The following CYP2U1 variants were observed in gnomAD, a reference collection of about 807,000 sequenced individuals.
CYP2U1 encodes cytochrome P450 2U1.
CYP2U1 carries 28 observed loss-of-function variants against 42.8 expected under a neutral mutation model. The ratio of observed to expected loss-of-function variants is 0.65; its 90% confidence interval spans 0.48 to 0.90. The LOEUF is 0.90. Among genes scored for constraint, CYP2U1 ranks in the 40% least tolerant of loss-of-function variants. CYP2U1 has a pLI of 0.00. For missense variants in CYP2U1, 642 were observed against 693.8 expected, an observed-to-expected ratio of 0.93 and a Z score of 0.84; for synonymous variants, 296 against 278.9, an observed-to-expected ratio of 1.06 and a Z score of -0.61.
Position 107,946,574 on chromosome 4 carries a change from C to T in CYP2U1, c.1127-802C>T, listed in dbSNP as rs193277746. The stretch of plus-strand genomic sequence containing the variant: ...CTACTATAGATGTGATTATACCTAC[C>T]TGTATTAGTTAATTATTGCTGGGTA... On this transcript the variant is annotated intron_variant, in intron 2 of 4. Transcript: ENST00000332884. 9.5e-4 allele frequency among the ~76,000 whole-genome samples: 145 copies of T among 151,908 alleles called. 1 individual carries two copies. Among genetic ancestry groups the T allele is most frequent in the African/African-American group, 3.4e-3 (142 of 41,392 alleles).
At chr4:107,935,745 C>T (rs1005813507) in intron 1 of CYP2U1, 3 of 152,186 alleles carry the variant, frequency 2.0e-5, no homozygotes, top group African/African-American at 7.2e-5. Flanking sequence ...GCCACTGTGA[C>T]TACAGTCAAG....
chr4:107,941,677 G>A (rs895472385), intron 1 of CYP2U1, among the ~76,000 whole-genome samples: 2 of 151,516 alleles, frequency 1.3e-5, no homozygotes, highest in African/African-American at 4.9e-5. Context: ...GTGAACTGCA[G>A]CTAGAGTAGT....
chr4:107,945,375 A>G lies in CYP2U1; in HGVS notation c.896A>G (p.Lys299Arg). 1 of 1,614,126 alleles carries G rather than the reference A, an allele frequency of 6.2e-7. No homozygotes were observed. The highest frequency in any genetic ancestry group is 8.5e-7 in the Non-Finnish European group (1 of 1,180,020). ...GAAAAGGATATAACCAGTTTCCTTA[A>G]AAAAATCATCAAAGACCATCAAGAG... ...QIEKDITSFL[K>R]KIIKDHQESL... The change falls in exon 2 of 5, where the codon AAA becomes AGA. Residue 299 changes from lysine to arginine, a missense_variant. By Grantham distance (26) the Lys-to-Arg change is conservative. Transcript: ENST00000332884.
rs191788363 is a variant in CYP2U1 at position 107,950,735 on chromosome 4, A to T, written c.*312A>T. ...CAATCTTCTCATTTCTTAGTGCCTC[A>T]GACATCCCATATGTAAAATGAGAGT... On this transcript the variant is annotated 3_prime_UTR_variant, in exon 5 of 5. Coordinates refer to ENST00000332884, the MANE Select transcript of CYP2U1 (RefSeq NM_183075.3). 27 of 228,870 alleles carry T rather than the reference A, an allele frequency of 1.2e-4. No individual in the cohort carries two copies. The highest frequency in any genetic ancestry group is 5.2e-4 in the African/African-American group (23 of 44,486). The allele number at this position is 228,870 out of a possible 1,614,324, so 14.2% of individuals were successfully genotyped here. A position where few individuals can be genotyped will look rare whatever the true frequency, so the allele number is the denominator to read the frequency against.
rs1199207504 is a variant in CYP2U1, at chr4:107,951,478, T to G, written c.*1055T>G. On this transcript the variant is annotated 3_prime_UTR_variant, in exon 5 of 5. Coordinates refer to ENST00000332884, the MANE Select transcript of CYP2U1 (RefSeq NM_183075.3). Reference sequence around the variant, plus strand: ...TGTTTCTAAATGTAGATGGTCCCTCTGGAAAAGCAGTTTTCAGCAGGGGTG... The same window carrying G: ...TGTTTCTAAATGTAGATGGTCCCTCGGGAAAAGCAGTTTTCAGCAGGGGTG... 6.6e-6 allele frequency: 1 copy of G among 152,226 alleles called. No individual in the cohort carries two copies. Among genetic ancestry groups the G allele is most frequent in the African/African-American group, 2.4e-5 (1 of 41,468 alleles). 9.4% of individuals were successfully genotyped at this position (152,226 alleles called of 1,614,324 possible).
At position 107,949,266 on chromosome 4, in the gene CYP2U1, A is replaced by AT. The variant is rs151162882; in HGVS notation, c.1289-75dup. On this transcript the variant is annotated intron_variant, in intron 3 of 4. Transcript: ENST00000332884. ...ATTAAAGTGATAGGTATATAACTAC[A>AT]TTTTTTTTTCAGATAATGATGTTCA... 10,234 of 1,272,934 alleles carry AT rather than the reference A, an allele frequency of 8.0e-3. 64 individuals carry two copies. The highest frequency in any genetic ancestry group is 0.035 in the African/African-American group (2,247 of 65,106). 78.9% of individuals were successfully genotyped at this position (1,272,934 alleles called of 1,614,324 possible).
intron 1 of CYP2U1, chr4:107,937,476 G>A (rs995768997): frequency 4.0e-5 from 6 of 151,688 alleles, no homozygotes; most frequent in African/African-American, 1.5e-4. Context: ...ACATTTTCAT[G>A]TATCACCTTC....
intron 1 of CYP2U1, among the ~76,000 whole-genome samples, chr4:107,943,318 T>C (rs1009160074): frequency 6.6e-6 from 1 of 152,196 alleles, no homozygotes; most frequent in African/African-American, 2.4e-5. Context: ...TATGTACATA[T>C]CTTATGACTT....
intron 1 of CYP2U1, among the ~76,000 whole-genome samples, chr4:107,942,948 C>A (rs1733550721): frequency 6.6e-6 from 1 of 152,260 alleles, no homozygotes; most frequent in Admixed American, 6.5e-5. Flanking sequence ...TTTAAAACTT[C>A]TGCTTATCAA....
At chr4:107,943,739 G>T (rs1733579864) in intron 1 of CYP2U1, among the ~76,000 whole-genome samples, 1 of 152,166 alleles carries the variant, frequency 6.6e-6, no homozygotes, top group Non-Finnish European at 1.5e-5. Flanking sequence ...ATGGAGCAGG[G>T]TCTTTATTTC....
In CYP2U1 at chr4:107,945,483, G is replaced by A. The variant is rs142944337; in HGVS notation, c.1004G>A (p.Ser335Asn). 1.3e-5 allele frequency: 21 copies of A among 1,613,922 alleles called. No homozygotes were observed. The highest frequency in any genetic ancestry group is 1.7e-5 in the Non-Finnish European group (20 of 1,180,022). Residue 335 changes from serine (S) to asparagine (N), a missense_variant, in exon 2 of 5, where the codon AGC (serine) becomes AAC (asparagine). Transcript: ENST00000332884. ...MEEERKNNSN[S>N]SFDEEYLFYI... ...GAGGAGAGGAAAAATAATAGTAACA[G>A]CAGTTTTGATGAAGAGTACTTATTT...
intron 4 of CYP2U1, 130 bp from the exon 5 acceptor site, chr4:107,950,115 G>A: frequency 2.3e-6 from 2 of 862,164 alleles, no homozygotes; most frequent in Non-Finnish European, 3.5e-6. Context: ...GGTATATATG[G>A]CAATTTGACT....
At chr4:107,944,414 G>A (rs577555795) in intron 1 of CYP2U1, among the ~76,000 whole-genome samples, 9 of 151,524 alleles carry the variant, frequency 5.9e-5, no homozygotes, top group African/African-American at 1.7e-4. Context: ...GTGATTCTCC[G>A]ACCTTAGCCT....
chr4:107,950,531 G>C lies in CYP2U1; in HGVS notation c.*108G>C, dbSNP rs537070614. ...GAATCCAGCAACTCAGTGGATCCAA[G>C]CTGGGCTCAGAGGTCGGAAGGAGGG... On this transcript the variant is annotated 3_prime_UTR_variant, in exon 5 of 5. Transcript: ENST00000332884. 8.1e-7 allele frequency: 1 copy of C among 1,235,394 alleles called. No individual in the cohort carries two copies. Among genetic ancestry groups the C allele is most frequent in the East Asian group, 2.6e-5 (1 of 38,720 alleles). The allele number at this position is 1,235,394 out of a possible 1,614,324, so 76.5% of individuals were successfully genotyped here.
chr4:107,941,473 C>G (rs1733493536), intron 1 of CYP2U1, among the ~76,000 whole-genome samples: 1 of 152,158 alleles, frequency 6.6e-6, no homozygotes, highest in South Asian at 2.1e-4. Flanking sequence ...CTCAAAATTA[C>G]TTGGACAAAC....
At chr4:107,946,101 A>G (rs1733689551) in intron 2 of CYP2U1, among the ~76,000 whole-genome samples, 1 of 152,204 alleles carries the variant, frequency 6.6e-6, no homozygotes, top group African/African-American at 2.4e-5. Flanking sequence ...ACAAATTACC[A>G]CAAACCGAGT....
At chr4:107,938,568 G>A (rs779270962) in intron 1 of CYP2U1, 10 of 152,184 alleles carry the variant, frequency 6.6e-5, no homozygotes, top group Non-Finnish European at 1.5e-4. Flanking sequence ...GGGAAAAATA[G>A]GTACAGGGAG....
chr4:107,935,736 C>T (rs1407294009), intron 1 of CYP2U1: 2 of 152,122 alleles, frequency 1.3e-5, no homozygotes, highest in African/African-American at 4.8e-5. Flanking sequence ...AGAAAAGAGG[C>T]CACTGTGACT....
intron 3 of CYP2U1, among the ~76,000 whole-genome samples, chr4:107,948,432 C>T (rs1578733405): frequency 6.7e-6 from 1 of 149,216 alleles, no homozygotes; most frequent in African/African-American, 2.5e-5. Flanking sequence ...GGCATGGTGG[C>T]ACACTTCTGT....
Sources: allele counts gnomAD v4.1 joint callset (sites outside exome capture counted in the v4.1 genomes callset), GRCh38; gene constraint gnomAD v4.1.1; transcripts MANE v1.5; gene names NCBI Gene and HGNC (gene_info 2026-07-23, HGNC 2026-07-21).